The following SLC19A1 variants were observed in gnomAD, a reference collection of about 807,000 sequenced individuals.
SLC19A1 encodes the protein reduced folate transporter.
SLC19A1 carries 37 observed loss-of-function variants against 35.3 expected under a neutral mutation model. That is an observed-to-expected ratio of 1.05 (90% CI 0.81 to 1.38). SLC19A1 has a LOEUF of 1.38. Ranked by LOEUF, SLC19A1 falls within the 40% of genes most tolerant of loss-of-function variation. The probability of loss-of-function intolerance (pLI) is 0.00; values close to 1 mark genes in which losing one functional copy is unlikely to be tolerated. For synonymous variants in SLC19A1, 460 were observed against 398.5 expected (o/e 1.15, Z -1.84); for missense variants, 831 against 826.9 (o/e 1.00, Z -0.06).
chr21:45,537,104 C>G (rs2146417884), intron 2 of SLC19A1, among the ~76,000 whole-genome samples: 1 of 152,322 alleles, frequency 6.6e-6, no homozygotes, highest in East Asian at 1.9e-4. Flanking sequence ...CTGTGGAAGG[C>G]AGGTGCCCAG....
intron 3 of SLC19A1, chr21:45,505,173 C>T (rs760921086): frequency 1.2e-6 from 2 of 1,607,404 alleles, no homozygotes; most frequent in Non-Finnish European, 1.7e-6. Context: ...GCCCGGCCCA[C>T]CTGGACCTCA....
rs751974457 is a variant in SLC19A1 at position 45,515,905 on chromosome 21, G to GC, written c.1528dup (p.Ala510GlyfsTer26). Reference sequence around the variant, plus strand: ...CTGCTCCAGGGAGGCTGGCCCCACAGCCCCCAGGCTGTCTTCTGGGGAAAG... The same window carrying GC: ...CTGCTCCAGGGAGGCTGGCCCCACAGCCCCCCAGGCTGTCTTCTGGGGAAAG... On this transcript the variant is annotated frameshift_variant, in exon 6 of 6. Coordinates refer to ENST00000311124, the MANE Select transcript of SLC19A1 (RefSeq NM_194255.4). LOFTEE classifies it low-confidence loss of function (END_TRUNC). The GC allele has an allele frequency of 1.2e-5, 19 of 1,553,230 alleles. No individual in the cohort carries two copies. Among genetic ancestry groups the GC allele is most frequent in the Non-Finnish European group, 1.7e-5 (19 of 1,149,568 alleles).
chr21:45,539,887 G>A (rs1260539152), intron 1 of SLC19A1, among the ~76,000 whole-genome samples: 2 of 152,152 alleles, frequency 1.3e-5, no homozygotes, highest in African/African-American at 2.4e-5. Context: ...GGAGCTCCAC[G>A]GCAGGGCACA....
intron 5 of SLC19A1, among the ~76,000 whole-genome samples, chr21:45,521,942 CAA>C (rs1250850518): frequency 6.6e-6 from 1 of 151,862 alleles, no homozygotes; most frequent in Non-Finnish European, 1.5e-5. Flanking sequence ...TAGGGCTAGG[CAA>C]AGAGTTTCCA....
intron 5 of SLC19A1, among the ~76,000 whole-genome samples, chr21:45,522,014 A>T (rs1369829535): frequency 1.3e-5 from 2 of 152,222 alleles, no homozygotes; most frequent in Non-Finnish European, 2.9e-5. Context: ...GTTCTGTAAA[A>T]GACCACATTA....
chr21:45,528,684 A>T (rs2077736926), intron 4 of SLC19A1, among the ~76,000 whole-genome samples: 1 of 152,254 alleles, frequency 6.6e-6, no homozygotes, highest in South Asian at 2.1e-4. Context: ...ACAAAAATGT[A>T]GGTAGAAGGG....
downstream of SLC19A1, chr21:45,510,233 G>T: frequency 6.2e-7 from 1 of 1,606,156 alleles, no homozygotes; most frequent in Non-Finnish European, 8.5e-7. Context: ...CGTGCCGACC[G>T]CGCAGCCGTG....
chr21:45,504,225 G>A (rs1046197487), intron 3 of SLC19A1: 12 of 929,854 alleles, frequency 1.3e-5, no homozygotes, highest in Admixed American at 6.3e-5. Context: ...TCCTGTCCCC[G>A]GCTCAGTTTT....
downstream of SLC19A1, among the ~76,000 whole-genome samples, chr21:45,508,483 A>ATGGG (rs898984734): frequency 2.7e-5 from 4 of 147,318 alleles, no homozygotes; most frequent in African/African-American, 1.0e-4. Flanking sequence ...GGGTGAGTGG[A>ATGGG]TGGGTGGGTG....
At chr21:45,508,227 TAGTGGGTA>T (rs536165171), downstream of SLC19A1, among the ~76,000 whole-genome samples, 262 of 130,964 alleles carry the variant, frequency 2.0e-3, 1 homozygote, top group South Asian at 1.2e-3. Flanking sequence ...GGTGGGTGGA[TAGTGGGTA>T]AGTGGGTGAG....
chr21:45,510,007 G>T (rs548557308), downstream of SLC19A1: 12 of 1,522,180 alleles, frequency 7.9e-6, no homozygotes, highest in East Asian at 3.0e-4. Flanking sequence ...TGCGCCCGGG[G>T]CCTGGGTGCA....
chr21:45,558,884 C>T (rs1410368248), intron 1 of SLC19A1, among the ~76,000 whole-genome samples: 1 of 150,980 alleles, frequency 6.6e-6, no homozygotes, highest in African/African-American at 2.4e-5. Context: ...TCTCAGCTGA[C>T]TACAACCTCT....
At chr21:45,526,175 C>A (rs1026699596) in intron 4 of SLC19A1, among the ~76,000 whole-genome samples, 1 of 152,236 alleles carries the variant, frequency 6.6e-6, no homozygotes, top group Non-Finnish European at 1.5e-5. Context: ...AGGGGCCATT[C>A]TGGGAGCTGC....
chr21:45,535,402 G>A (rs535603317), intron 2 of SLC19A1, among the ~76,000 whole-genome samples: 63 of 152,350 alleles, frequency 4.1e-4, no homozygotes, highest in Admixed American at 1.2e-3. Context: ...AAGGGCACGG[G>A]GTCCCCAGGA....
chr21:45,529,131 G>A (rs1488505797), intron 4 of SLC19A1, among the ~76,000 whole-genome samples: 1 of 152,192 alleles, frequency 6.6e-6, no homozygotes, highest in Non-Finnish European at 1.5e-5. Flanking sequence ...GGGGAGCCTG[G>A]AGAAGGCGGC....
chr21:45,516,231 C>T lies in SLC19A1; in HGVS notation c.1294-91G>A. On this transcript the variant is annotated intron_variant, in intron 5 of 5. Transcript: ENST00000311124. ...CGACGCCTGCTCCCAGGCTCACCCTCCTCCAGCTCAGAGGCTGACCCTGAA... is the reference window on the plus strand; with the variant it reads ...CGACGCCTGCTCCCAGGCTCACCCTTCTCCAGCTCAGAGGCTGACCCTGAA... 3.0e-6 allele frequency: 3 copies of T among 1,015,996 alleles called. No individual in the cohort carries two copies. In the South Asian group the frequency reaches 4.6e-5, roughly 16 times the overall value. 62.9% of individuals were successfully genotyped at this position (1,015,996 alleles called of 1,614,324 possible). A position where few individuals can be genotyped will look rare whatever the true frequency, so the allele number is the denominator to read the frequency against.
At position 45,530,985 on chromosome 21, in the gene SLC19A1, G is replaced by A. The variant is rs56785402; in HGVS notation, c.950-14C>T. Reference sequence around the variant, plus strand: ...ACGTGATGGCGCCTGAGAGGGGAGGGATGGGGCGTTGCAGCGGCCCTGGGG... The same window carrying A: ...ACGTGATGGCGCCTGAGAGGGGAGGAATGGGGCGTTGCAGCGGCCCTGGGG... On this transcript the variant is annotated splice_polypyrimidine_tract_variant and intron_variant, in intron 3 of 5. Coordinates refer to ENST00000311124, the MANE Select transcript of SLC19A1 (RefSeq NM_194255.4). The surrounding 1 kb of genome is among the most constrained non-coding windows in gnomAD (Gnocchi z 5.3). 2.0e-4 allele frequency: 263 copies of A among 1,346,936 alleles called. No individual in the cohort carries two copies. The African/African-American group carries it at 3.9e-3, about 20-fold the overall frequency. The allele number at this position is 1,346,936 out of a possible 1,614,324, so 83.4% of individuals were successfully genotyped here.
chr21:45,516,206 C>T lies in SLC19A1; in HGVS notation c.1294-66G>A, dbSNP rs73370896. 6,897 of 1,280,662 alleles carry T rather than the reference C, an allele frequency of 5.4e-3. 296 individuals are homozygous for T. In the African/African-American group the frequency reaches 0.087, roughly 16 times the overall value. 79.3% of individuals were successfully genotyped at this position (1,280,662 alleles called of 1,614,324 possible). A position where few individuals can be genotyped will look rare whatever the true frequency, so the allele number is the denominator to read the frequency against. On this transcript the variant is annotated intron_variant, in intron 5 of 5. Coordinates refer to ENST00000311124, the MANE Select transcript of SLC19A1 (RefSeq NM_194255.4). ...GCTGGGACACTGGCACCCTACACCC[C>T]GACGCCTGCTCCCAGGCTCACCCTC...
intron 5 of SLC19A1, among the ~76,000 whole-genome samples, chr21:45,524,872 G>A (rs2077554049): frequency 6.6e-6 from 1 of 151,808 alleles, no homozygotes; most frequent in Non-Finnish European, 1.5e-5. Context: ...TTCACCCCTG[G>A]GCCTTGGAGA....
Sources: gnomAD v4.1 joint callset for allele counts (sites outside exome capture counted in the v4.1 genomes callset) on GRCh38, gnomAD v4.1.1 for gene constraint, Gnocchi (gnomAD v3.1) non-coding constraint, MANE v1.5 for transcripts, NCBI Gene and HGNC (gene_info 2026-07-23, HGNC 2026-07-21) for gene names.